The following EXT1 variants were observed in gnomAD, a reference collection of about 807,000 sequenced individuals.
EXT1 encodes exostosin glycosyltransferase 1.
Under a neutral mutation model 82.5 loss-of-function variants are expected in EXT1, and 20 were observed. The ratio of observed to expected loss-of-function variants is 0.24; its 90% CI spans 0.17 to 0.35. The LOEUF (loss-of-function observed/expected upper bound fraction) is 0.35. EXT1 is among the 10% of genes least tolerant of loss of function. The pLI, the probability that EXT1 is intolerant of heterozygous loss-of-function variation, is 1.00. For synonymous variants in EXT1, 348 were observed against 350.8 expected, an observed-to-expected ratio of 0.99 and a Z score of 0.09; for missense variants, 757 against 936.5, an observed-to-expected ratio of 0.81 and a Z score of 2.50.
Position 117,804,845 on chromosome 8 carries a change from G to A in EXT1, c.1932C>T (p.Asn644=), listed in dbSNP as rs2129693978. ...YSHYLPASLK[N]MVDQLANCED... is the part of the protein sequence containing the mutation. ...CACAATTGGCCAATTGGTCCACCATGTTCTTCAGGCTGGCTGGCAGGTAAT... is the reference window on the plus strand; with the variant it reads ...CACAATTGGCCAATTGGTCCACCATATTCTTCAGGCTGGCTGGCAGGTAAT... Residue 644 remains asparagine, a synonymous_variant, in exon 10 of 11, where the codon AAC becomes AAT. Transcript: ENST00000378204. 5.6e-6 allele frequency: 9 copies of A among 1,614,142 alleles called. No individual in the cohort carries two copies. The highest frequency in any genetic ancestry group is 7.6e-6 in the Non-Finnish European group (9 of 1,179,982).
chr8:117,812,505 G>A (rs542445182), intron 8 of EXT1, among the ~76,000 whole-genome samples: 11 of 152,238 alleles, frequency 7.2e-5, no homozygotes, highest in Admixed American at 3.9e-4. Context: ...TATCTCCTCC[G>A]GAAAGCATGG....
intron 1 of EXT1, among the ~76,000 whole-genome samples, chr8:118,010,889 A>G (rs998945706): frequency 2.6e-5 from 4 of 152,222 alleles, no homozygotes; most frequent in Non-Finnish European, 5.9e-5. Context: ...CAAGGTTTAC[A>G]GTAACACCCC....
chr8:117,978,505 C>A (rs1449049531), intron 1 of EXT1, among the ~76,000 whole-genome samples: 1 of 151,586 alleles, frequency 6.6e-6, no homozygotes, highest in Admixed American at 6.6e-5. Flanking sequence ...AAATTCATAA[C>A]TTATCTAAAT....
chr8:117,800,945 G>A (rs1335988137), intron 10 of EXT1, among the ~76,000 whole-genome samples: 1 of 152,214 alleles, frequency 6.6e-6, no homozygotes, highest in Non-Finnish European at 1.5e-5. Context: ...AAGATGGGCT[G>A]CCCAATTATG....
chr8:117,864,162 A>G (rs1812733482), intron 1 of EXT1, among the ~76,000 whole-genome samples: 1 of 152,244 alleles, frequency 6.6e-6, no homozygotes, highest in Non-Finnish European at 1.5e-5. Context: ...TAAAGCGTAT[A>G]TTGCAAATCA....
intron 1 of EXT1, among the ~76,000 whole-genome samples, chr8:117,873,654 C>A (rs1812916065): frequency 6.6e-6 from 1 of 151,986 alleles, no homozygotes; most frequent in Admixed American, 6.6e-5. Flanking sequence ...CAGGGTTTTG[C>A]CATGTTGGCC....
intron 1 of EXT1, among the ~76,000 whole-genome samples, chr8:117,930,555 AGAG>A (rs780625144): frequency 2.6e-5 from 4 of 152,328 alleles, no homozygotes; most frequent in East Asian, 1.9e-4. Context: ...GTGATGTGGG[AGAG>A]GAGAAGAGAG....
chr8:118,067,873 G>A (rs1415167927), intron 1 of EXT1, among the ~76,000 whole-genome samples: 1 of 152,170 alleles, frequency 6.6e-6, no homozygotes, highest in Non-Finnish European at 1.5e-5. Context: ...CAGAGTGATG[G>A]CTATTAAAGG....
intron 1 of EXT1, among the ~76,000 whole-genome samples, chr8:117,889,449 T>A (rs1428134680): frequency 1.3e-5 from 2 of 152,206 alleles, no homozygotes; most frequent in Admixed American, 6.5e-5. Flanking sequence ...TTTTAATCTA[T>A]AAGCACTAGA....
chr8:117,818,380 T>C, intron 7 of EXT1, 55 bp downstream of exon 7: 3 of 1,457,602 alleles, frequency 2.1e-6, no homozygotes, highest in Non-Finnish European at 2.9e-6. Context: ...AAGTGCCCCA[T>C]GGAGAAACCA....
chr8:117,901,646 C>T (rs1813450608), intron 1 of EXT1, among the ~76,000 whole-genome samples: 3 of 152,142 alleles, frequency 2.0e-5, no homozygotes, highest in Admixed American at 1.3e-4. Flanking sequence ...TAACACTTAG[C>T]TTAAAACACA....
chr8:117,869,384 G>C (rs1022228410), intron 1 of EXT1, among the ~76,000 whole-genome samples: 1 of 152,228 alleles, frequency 6.6e-6, no homozygotes, highest in African/African-American at 2.4e-5. Context: ...AGCTGGCTAA[G>C]GGGCTGGCAG....
intron 1 of EXT1, among the ~76,000 whole-genome samples, chr8:117,980,843 G>A (rs916918408): frequency 2.6e-5 from 4 of 151,620 alleles, no homozygotes; most frequent in South Asian, 2.1e-4. Flanking sequence ...AGGCCAAGCC[G>A]CAGTCCCCGG....
At chr8:117,929,500 T>A (rs1563604235) in intron 1 of EXT1, among the ~76,000 whole-genome samples, 1 of 152,242 alleles carries the variant, frequency 6.6e-6, no homozygotes, top group Non-Finnish European at 1.5e-5. Context: ...TTATTAGACA[T>A]GGAGTAGGAA....
intron 1 of EXT1, among the ~76,000 whole-genome samples, chr8:118,007,295 TCAAAAAAAAAA>T (rs1358644353): frequency 2.4e-4 from 36 of 150,044 alleles, no homozygotes; most frequent in Non-Finnish European, 2.2e-4. Flanking sequence ...AGACACCATC[TCAAAAAAAAAA>T]CAAAAAAAGC....
chr8:117,903,709 C>G (rs533564240), intron 1 of EXT1, among the ~76,000 whole-genome samples: 3 of 152,316 alleles, frequency 2.0e-5, no homozygotes, highest in African/African-American at 7.2e-5. Context: ...TTGCCACAGA[C>G]AGTCTTTATC....
At chr8:117,875,380 C>A (rs553365103) in intron 1 of EXT1, among the ~76,000 whole-genome samples, 50 of 151,902 alleles carry the variant, frequency 3.3e-4, no homozygotes, top group East Asian at 3.9e-4. Flanking sequence ...GAGATCGTGC[C>A]ACTGCACTCC....
chr8:117,827,116 G>T (rs577062869), intron 4 of EXT1, among the ~76,000 whole-genome samples: 1 of 152,148 alleles, frequency 6.6e-6, no homozygotes, highest in Non-Finnish European at 1.5e-5. Flanking sequence ...AGAGAGTCAC[G>T]CCCAGACAGC....
chr8:117,878,892 G>A (rs1263571408), intron 1 of EXT1, among the ~76,000 whole-genome samples: 1 of 152,174 alleles, frequency 6.6e-6, no homozygotes. Context: ...TCCATTGAGG[G>A]TTGGCTGTGG....
Sources: allele counts gnomAD v4.1 joint callset (sites outside exome capture counted in the v4.1 genomes callset), GRCh38; gene constraint gnomAD v4.1.1; transcripts MANE v1.5; gene names NCBI Gene and HGNC (gene_info 2026-07-23, HGNC 2026-07-21).